Variants in CLDN25 observed in about 807,000 individuals in gnomAD.
The protein encoded by CLDN25 is claudin 25, also known as claudin-25.
For synonymous variants in CLDN25, 117 were observed against 112.7 expected, an observed-to-expected ratio of 1.04 and a Z score of -0.24; for missense variants, 286 against 279.7, an observed-to-expected ratio of 1.02 and a Z score of -0.16.
chr11:113,779,898 A>G (rs766813269), exon 1 of CLDN25: 1 of 1,613,524 alleles, frequency 6.2e-7, no homozygotes, highest in South Asian at 1.1e-5. Context: ...CCAGTGGAAG[A>G]CTCTTAATCT....
chr11:113,780,317 T>A (rs776406132), exon 1 of CLDN25: 1 of 1,613,804 alleles, frequency 6.2e-7, no homozygotes, highest in Admixed American at 1.7e-5. Context: ...CTGCTGGTAT[T>A]TTCCTGGCTC....
chr11:113,780,343 T>A (rs1467259995), exon 1 of CLDN25: 1 of 1,613,894 alleles, frequency 6.2e-7, no homozygotes, highest in East Asian at 2.2e-5. Flanking sequence ...GGGCTACTCC[T>A]CATCTTCTCG....
chr11:113,780,290 C>G, exon 1 of CLDN25: 5 of 1,613,428 alleles, frequency 3.1e-6, no homozygotes, highest in Non-Finnish European at 4.2e-6. Context: ...TTGGAGGTGC[C>G]CTCTACTTGG....
chr11:113,780,025 T>C (rs1274698285), exon 1 of CLDN25: 4 of 1,614,038 alleles, frequency 2.5e-6, no homozygotes, highest in Admixed American at 3.3e-5. Flanking sequence ...CCCCAGGAGC[T>C]CCAGGTAGCC....
At chr11:113,780,364 G>A in exon 1 of CLDN25, 1 of 1,613,902 alleles carries the variant, frequency 6.2e-7, no homozygotes, top group East Asian at 2.2e-5. Context: ...GCCTGCCTGG[G>A]AAAAGAAGAT....
In CLDN25 at chr11:113,779,933, G is replaced by GATCATGGGGATTTGGGAGGTCTGC. The variant is rs375691427; in HGVS notation, c.139_162dup (p.Ile47_Cys54dup). On this transcript the variant is annotated inframe_insertion, in exon 1 of 1. Coordinates refer to ENST00000453129, the Ensembl canonical transcript of CLDN25. The stretch of plus-strand genomic sequence containing the variant: ...TGGAACTGAACGAGATGGAGACCTG[G>GATCATGGGGATTTGGGAGGTCTGC]ATCATGGGGATTTGGGAGGTCTGCG... 176 of 1,614,008 alleles carry GATCATGGGGATTTGGGAGGTCTGC rather than the reference G, an allele frequency of 1.1e-4. No homozygotes were observed. The African/African-American group carries it at 2.0e-3, about 18-fold the overall frequency.
chr11:113,779,935 T>C, exon 1 of CLDN25: 1 of 1,614,000 alleles, frequency 6.2e-7, no homozygotes, highest in Non-Finnish European at 8.5e-7. Flanking sequence ...GAGACCTGGA[T>C]CATGGGGATT....
chr11:113,780,359 C>T, exon 1 of CLDN25: 2 of 1,613,882 alleles, frequency 1.2e-6, no homozygotes, highest in Non-Finnish European at 1.7e-6. Context: ...TCTCGGCCTG[C>T]CTGGGAAAAG....
At chr11:113,780,165 A>C (rs757534339) in exon 1 of CLDN25, 3 of 1,613,836 alleles carry the variant, frequency 1.9e-6, no homozygotes, top group Non-Finnish European at 2.5e-6. Context: ...CCTGGGAAGG[A>C]CTTTGGAGGC....
rs1361594460 is a variant in CLDN25, at chr11:113,780,072, TTG to T, written c.278_279del (p.Leu93TrpfsTer10). 6.2e-7 allele frequency: 1 copy of T among 1,613,910 alleles called. No individual in the cohort carries two copies. The highest frequency in any genetic ancestry group is 8.5e-7 in the Non-Finnish European group (1 of 1,179,890). ...GGTAGCCTCCCATGGGCTGGGCCTA[TTG>T]GGGCTTTTGCTCTGCAGCTTTGGGT... is the stretch of plus-strand genomic sequence containing the variant. On this transcript the variant is annotated frameshift_variant, in exon 1 of 1. Coordinates refer to ENST00000453129, the Ensembl canonical transcript of CLDN25. LOFTEE classifies it low-confidence loss of function (END_TRUNC).
chr11:113,780,290 C>T (rs1937806920), exon 1 of CLDN25: 3 of 1,613,428 alleles, frequency 1.9e-6, no homozygotes, highest in Non-Finnish European at 2.5e-6. Context: ...TTGGAGGTGC[C>T]CTCTACTTGG....
exon 1 of CLDN25, chr11:113,780,177 T>A (rs1277797538): frequency 6.2e-7 from 1 of 1,613,968 alleles, no homozygotes; most frequent in African/African-American, 1.3e-5. Flanking sequence ...TTTGGAGGCA[T>A]CCGCTTCAGC....
chr11:113,780,385 C>T (rs1937808640), exon 1 of CLDN25: 1 of 1,613,894 alleles, frequency 6.2e-7, no homozygotes, highest in Non-Finnish European at 8.5e-7. Flanking sequence ...GTGCCTTTTC[C>T]TTTGATGGCT....
chr11:113,780,426 G>A, exon 1 of CLDN25: 1 of 1,613,894 alleles, frequency 6.2e-7, no homozygotes, highest in Non-Finnish European at 8.5e-7. Flanking sequence ...CTGTGCTCCA[G>A]TGGAGGAGTC....
Position 113,779,901 on chromosome 11 carries a change from C to T in CLDN25, c.106C>T (p.Leu36Phe). Residue 36 changes from leucine (L) to phenylalanine (F), a missense_variant, in exon 1 of 1, where the codon CTT becomes TTT. By Grantham distance (22) the Leu-to-Phe change is conservative. Transcript: ENST00000453129. Reference sequence around the variant, plus strand: ...CACCATCCTGCCCCAGTGGAAGACTCTTAATCTGGAACTGAACGAGATGGA... The same window carrying T: ...CACCATCCTGCCCCAGTGGAAGACTTTTAATCTGGAACTGAACGAGATGGA... The T allele has an allele frequency of 6.2e-7, 1 of 1,613,886 alleles. No homozygotes were observed. Among genetic ancestry groups the T allele is most frequent in the African/African-American group, 1.3e-5 (1 of 74,938 alleles).
rs774053184 is a variant in CLDN25 at position 113,780,277 on chromosome 11, A to C, written c.482A>C (p.Glu161Ala). 1.4e-5 allele frequency: 23 copies of C among 1,612,982 alleles called. No homozygotes were observed. In the African/African-American group the frequency reaches 2.3e-4, roughly 16 times the overall value. ...ATCCCTGACATCATACCTCGGTGGG[A>C]GTTTGGAGGTGCCCTCTACTTGGGC... is the stretch of plus-strand genomic sequence containing the variant. The change falls in exon 1 of 1, where the codon GAG becomes GCG. Residue 161 changes from glutamate (E) to alanine (A), a missense_variant. Glu to Ala is a moderately radical substitution (Grantham distance 107, BLOSUM62 -1). Transcript: ENST00000453129.
At chr11:113,780,214 T>C in exon 1 of CLDN25, 1 of 1,613,936 alleles carries the variant, frequency 6.2e-7, no homozygotes, top group Non-Finnish European at 8.5e-7. Flanking sequence ...GTCTCCTGGG[T>C]GGCCCATGCC....
chr11:113,780,091 G>C, exon 1 of CLDN25: 1 of 1,614,034 alleles, frequency 6.2e-7, no homozygotes, highest in South Asian at 1.1e-5. Flanking sequence ...TTGCTCTGCA[G>C]CTTTGGGTCT....
At chr11:113,780,061 G>C in exon 1 of CLDN25, 1 of 1,614,006 alleles carries the variant, frequency 6.2e-7, no homozygotes, top group Non-Finnish European at 8.5e-7. Context: ...GCCTCCCATG[G>C]GCTGGGCCTA....
Sources: gnomAD v4.1 joint callset for allele counts on GRCh38, gnomAD v4.1.1 for gene constraint, MANE v1.5 for transcripts, NCBI Gene and HGNC (gene_info 2026-07-23, HGNC 2026-07-21) for gene names.